The following SEMA4D variants were observed in gnomAD, a reference collection of about 807,000 sequenced individuals.
SEMA4D encodes semaphorin 4D, also known as semaphorin-4D.
A neutral mutation model predicts 74.8 loss-of-function variants in SEMA4D; 22 were observed. The observed-to-expected ratio is 0.29, with a 90% confidence interval of 0.21 to 0.42. The LOEUF is 0.42. SEMA4D is among the 10% of genes least tolerant of loss of function. The pLI is 1.00. For synonymous variants in SEMA4D, 445 were observed against 463.7 expected (o/e 0.96, Z 0.52); for missense variants, 937 against 1,118.4 (o/e 0.84, Z 2.31).
chr9:89,473,940 T>C (rs1007195465), intron 1 of SEMA4D, among the ~76,000 whole-genome samples: 1 of 152,034 alleles, frequency 6.6e-6, no homozygotes, highest in Non-Finnish European at 1.5e-5. Context: ...TCCAGGCTGG[T>C]CAATCAGTGA....
At chr9:89,445,206 G>A (rs925423666) in intron 2 of SEMA4D, among the ~76,000 whole-genome samples, 2 of 152,216 alleles carry the variant, frequency 1.3e-5, no homozygotes, top group Non-Finnish European at 2.9e-5. Flanking sequence ...AACGGATCCT[G>A]CAAGATCTAT....
rs1464709081 is a variant in SEMA4D, at chr9:89,392,473, T to C, written c.572A>G (p.Asn191Ser). The C allele has an allele frequency of 6.2e-7, 1 of 1,613,900 alleles. No individual in the cohort carries two copies. Among genetic ancestry groups the C allele is most frequent in the East Asian group, 2.2e-5 (1 of 44,884 alleles). Residue 191 changes from asparagine (N) to serine (S), a missense_variant, in exon 8 of 16, where the codon AAT becomes AGT. By Grantham distance (46) the Asn-to-Ser change is conservative (BLOSUM62 1). Transcript: ENST00000422704. Reference sequence around the variant, plus strand: ...TGTCCTCAGAGGACTGTGGGAAGAATTTCGGGAGATGATGGGTTCACTTCC... The same window carrying C: ...TGTCCTCAGAGGACTGTGGGAAGAACTTCGGGAGATGATGGGTTCACTTCC... ...FLGSEPIISR[N>S]SSHSPLRTEY...
intron 4 of SEMA4D, among the ~76,000 whole-genome samples, chr9:89,400,607 G>A (rs567323773): frequency 6.6e-6 from 1 of 152,194 alleles, no homozygotes; most frequent in East Asian, 1.9e-4. Flanking sequence ...GTCCTGATAG[G>A]GGCACACAAA....
exon 19 of SEMA4D, chr9:89,361,317 C>G (rs1415151638): frequency 6.6e-6 from 1 of 152,154 alleles, no homozygotes; most frequent in Non-Finnish European, 1.5e-5. Context: ...TTGTCCAGCT[C>G]CAGAAAGAGG....
At chr9:89,438,964 CTTTTTTTTT>C (rs57394947) in intron 2 of SEMA4D, among the ~76,000 whole-genome samples, 2 of 38,214 alleles carry the variant, frequency 5.2e-5, no homozygotes, top group East Asian at 1.9e-3. Context: ...CGCACCGGGC[CTTTTTTTTT>C]TTTTTTTTTT....
At chr9:89,453,697 C>CAT (rs1325086807) in intron 2 of SEMA4D, among the ~76,000 whole-genome samples, 1 of 152,206 alleles carries the variant, frequency 6.6e-6, no homozygotes, top group African/African-American at 2.4e-5. Context: ...CAGGACTCAG[C>CAT]ATCACAGGGC....
At position 89,492,756 on chromosome 9, in the gene SEMA4D, A is replaced by C. The variant is rs1825728548; in HGVS notation, c.-310+5163T>G. Among the ~76,000 whole-genome samples the C allele has an allele frequency of 6.6e-6, 1 of 152,170 alleles. No homozygotes were observed. The highest frequency in any genetic ancestry group is 1.5e-5 in the Non-Finnish European group (1 of 68,026). ...GGCTCCGTCTTCGCAGAACACCTGC[A>C]ATCAGCCTGCCTCCCACCCGAGGAG... On this transcript the variant is annotated intron_variant, in intron 1 of 15. Transcript: ENST00000422704. This position sits in a 1 kb window ranked among gnomAD's most constrained non-coding sequence, Gnocchi z 4.3.
intron 2 of SEMA4D, among the ~76,000 whole-genome samples, chr9:89,411,498 T>C (rs1844520202): frequency 6.6e-6 from 1 of 152,028 alleles, no homozygotes; most frequent in South Asian, 2.1e-4. Flanking sequence ...TGAAGGAAAA[T>C]ACCAAAATAG....
intron 13 of SEMA4D, chr9:89,385,071 G>A (rs1588201258): frequency 3.1e-6 from 3 of 982,892 alleles, no homozygotes; most frequent in Middle Eastern, 1.0e-3. Flanking sequence ...CTGGGCGCGA[G>A]GCTCCCTGTG....
chr9:89,372,963 T>C (rs1835313209), downstream of SEMA4D, among the ~76,000 whole-genome samples: 1 of 152,080 alleles, frequency 6.6e-6, no homozygotes, highest in East Asian at 1.9e-4. Flanking sequence ...AGGCGAGAAC[T>C]GTGGTGGAGA....
At chr9:89,373,911 C>T (rs577680066), downstream of SEMA4D, among the ~76,000 whole-genome samples, 1 of 152,358 alleles carries the variant, frequency 6.6e-6, no homozygotes, top group Admixed American at 6.5e-5. Context: ...CAGGAAGCAT[C>T]TACAGACCCC....
At chr9:89,458,157 C>T (rs1856396241) in intron 1 of SEMA4D, among the ~76,000 whole-genome samples, 1 of 152,192 alleles carries the variant, frequency 6.6e-6, no homozygotes, top group African/African-American at 2.4e-5. Context: ...CCCACCACTC[C>T]ACGGTGGCCT....
At position 89,492,550 on chromosome 9, in the gene SEMA4D, C is replaced by G. The variant is rs192366259; in HGVS notation, c.-310+5369G>C. On this transcript the variant is annotated intron_variant, in intron 1 of 15. Transcript: ENST00000422704. This position sits in a 1 kb window ranked among gnomAD's most constrained non-coding sequence, Gnocchi z 4.3. ...TCCACTGGGACACTTCAGTAGGACT[C>G]TCACCTGTACTATCTTGAGAGCCAC... Among the ~76,000 whole-genome samples the G allele has an allele frequency of 9.9e-5, 15 of 152,274 alleles. No homozygotes were observed. The highest frequency in any genetic ancestry group is 3.4e-3 in the Middle Eastern group (1 of 294).
chr9:89,398,826 G>A (rs1433962504), intron 5 of SEMA4D, among the ~76,000 whole-genome samples: 1 of 152,188 alleles, frequency 6.6e-6, no homozygotes, highest in Non-Finnish European at 1.5e-5. Flanking sequence ...AGCACAGCAG[G>A]CCGAATAAAT....
rs1290653134 is a variant in SEMA4D, at chr9:89,484,342, ATGTGTGTGC to A, written c.-310+13568_-310+13576del. On this transcript the variant is annotated intron_variant, in intron 1 of 15. Transcript: ENST00000422704. The surrounding 1 kb of genome is among the most constrained non-coding windows in gnomAD (Gnocchi z 4.1). ...CTCAAGACTCCGATGCATACGGGGT[ATGTGTGTGC>A]TGTGTGTGCTGCGGCACGTGCAGCA... Among the ~76,000 whole-genome samples, 1 of 152,194 alleles carries A rather than the reference ATGTGTGTGC, an allele frequency of 6.6e-6. No individual in the cohort carries two copies. The highest frequency in any genetic ancestry group is 6.5e-5 in the Admixed American group (1 of 15,286).
At chr9:89,474,231 C>T (rs1861188041) in intron 1 of SEMA4D, among the ~76,000 whole-genome samples, 1 of 152,196 alleles carries the variant, frequency 6.6e-6, no homozygotes, top group Admixed American at 6.5e-5. Flanking sequence ...ACCAATAAAC[C>T]CCGAAGATAA....
chr9:89,403,019 G>A lies in SEMA4D; in HGVS notation c.107-3C>T, dbSNP rs201089936. 7.0e-5 allele frequency: 113 copies of A among 1,605,012 alleles called. No homozygotes were observed. In the East Asian group the frequency reaches 2.3e-3, roughly 33 times the overall value. On this transcript the variant is annotated splice_region_variant and splice_polypyrimidine_tract_variant and intron_variant, in intron 3 of 15. Transcript: ENST00000422704. ...ATGAAACTGCACCAGGTGCACCTCT[G>A]TGGGATGCAAGGGCAGGGTCAGAGT...
chr9:89,466,259 G>T (rs760523718), intron 1 of SEMA4D, among the ~76,000 whole-genome samples: 1 of 152,172 alleles, frequency 6.6e-6, no homozygotes, highest in Non-Finnish European at 1.5e-5. Flanking sequence ...ACAAAAAATA[G>T]GGTGATCACT....
chr9:89,493,273 T>TG (rs552086438), intron 1 of SEMA4D, among the ~76,000 whole-genome samples: 1 of 152,058 alleles, frequency 6.6e-6, no homozygotes, highest in Non-Finnish European at 1.5e-5. Flanking sequence ...GTGATCCAGA[T>TG]GGGGGAAAAG....
Sources: gnomAD v4.1 joint callset for allele counts (sites outside exome capture counted in the v4.1 genomes callset) on GRCh38, gnomAD v4.1.1 for gene constraint, Gnocchi (gnomAD v3.1) non-coding constraint, MANE v1.5 for transcripts, NCBI Gene and HGNC (gene_info 2026-07-23, HGNC 2026-07-21) for gene names.